Variants in TFAP2C observed in about 807,000 individuals in gnomAD.
TFAP2C encodes activating enhancer-binding protein 2 gamma.
Under a neutral mutation model 42.9 loss-of-function variants are expected in TFAP2C, and 9 were observed. The observed-to-expected ratio is 0.21, with a 90% CI of 0.13 to 0.37. The LOEUF (loss-of-function observed/expected upper bound fraction) is 0.37, where lower values mean the gene tolerates loss of function less well. TFAP2C is among the 10% of genes least tolerant of loss of function. TFAP2C has a pLI of 1.00. For synonymous variants in TFAP2C, 264 were observed against 256.0 expected, an observed-to-expected ratio of 1.03 and a Z score of -0.30; for missense variants, 462 against 591.7, an observed-to-expected ratio of 0.78 and a Z score of 2.27.
In TFAP2C at chr20:56,630,334, G is replaced by T. The variant is rs773482533; in HGVS notation, c.48+742G>T. 2.7e-5 allele frequency: 12 copies of T among 442,346 alleles called. No homozygotes were observed. In the East Asian group the frequency reaches 8.7e-4, roughly 32 times the overall value. The allele number at this position is 442,346 out of a possible 1,614,324, so 27.4% of individuals were successfully genotyped here. On this transcript the variant is annotated intron_variant, in intron 1 of 6. Coordinates refer to ENST00000201031, the MANE Select transcript of TFAP2C (RefSeq NM_003222.4). This position sits in a 1 kb window ranked among gnomAD's most constrained non-coding sequence, Gnocchi z 5.1. ...GGGCTGCCCCTGCCCGCAGGCCCGG[G>T]CGCTTCCGCCAGGAGGCGACAGCGC...
At position 56,629,439 on chromosome 20, in the gene TFAP2C, C is replaced by T. The variant is rs996463375; in HGVS notation, c.-106C>T. 4 of 1,049,556 alleles carry T rather than the reference C, an allele frequency of 3.8e-6. No individual in the cohort carries two copies. Among genetic ancestry groups the T allele is most frequent in the Non-Finnish European group, 5.1e-6 (4 of 784,024 alleles). 65.0% of individuals were successfully genotyped at this position (1,049,556 alleles called of 1,614,324 possible). A position where few individuals can be genotyped will look rare whatever the true frequency, so the allele number is the denominator to read the frequency against. On this transcript the variant is annotated 5_prime_UTR_variant, in exon 1 of 7. Transcript: ENST00000201031. The surrounding 1 kb of genome is among the most constrained non-coding windows in gnomAD (Gnocchi z 5.9). ...CAGCAAGGCCCGCGCGCGGCGGGGGCGGCGGCAGACGCCTGGTCACCGTGA... is the reference window on the plus strand; with the variant it reads ...CAGCAAGGCCCGCGCGCGGCGGGGGTGGCGGCAGACGCCTGGTCACCGTGA...
chr20:56,637,017 C>G (rs1391490306), intron 6 of TFAP2C, among the ~76,000 whole-genome samples: 6 of 152,184 alleles, frequency 3.9e-5, no homozygotes, highest in Admixed American at 3.9e-4. Flanking sequence ...GCTGCCCTTT[C>G]ATTATTGTGT....
rs2048445633 is a variant in TFAP2C, at chr20:56,631,185, G to A, written c.49-20G>A. On this transcript the variant is annotated intron_variant, in intron 1 of 6. Transcript: ENST00000201031. The surrounding 1 kb of genome is among the most constrained non-coding windows in gnomAD (Gnocchi z 6.1). ...GGGTTTCGCACTAACGGGGTCTCCT[G>A]TTTTTTTTTTTCCCTCCAGGATCGC... 1.6e-5 allele frequency: 19 copies of A among 1,191,524 alleles called. No homozygotes were observed. Among genetic ancestry groups the A allele is most frequent in the Non-Finnish European group, 2.0e-5 (18 of 887,306 alleles). The allele number at this position is 1,191,524 out of a possible 1,614,324, so 73.8% of individuals were successfully genotyped here.
At chr20:56,636,538 A>G in intron 5 of TFAP2C, 72 bp from the exon 6 acceptor site, 1 of 1,512,254 alleles carries the variant, frequency 6.6e-7, no homozygotes, top group African/African-American at 1.4e-5. Context: ...AAAAAAAAAA[A>G]AAGAGAGAGG....
chr20:56,629,589 C>T lies in TFAP2C; in HGVS notation c.45C>T (p.Cys15=). Residue 15 remains cysteine (C), a synonymous_variant, in exon 1 of 7, where the codon TGC becomes TGT. Coordinates refer to ENST00000201031, the MANE Select transcript of TFAP2C (RefSeq NM_003222.4). The surrounding 1 kb of genome is among the most constrained non-coding windows in gnomAD (Gnocchi z 5.9). ...ATAATGTCAAGTACGAAGAGGACTGCGAGGTGAGCTGGGGCTCCGGGGTGC... is the reference window on the plus strand; with the variant it reads ...ATAATGTCAAGTACGAAGAGGACTGTGAGGTGAGCTGGGGCTCCGGGGTGC... ...ITDNVKYEED[C]EDRHDGSSNG... 2 of 1,419,666 alleles carry T rather than the reference C, an allele frequency of 1.4e-6. No homozygotes were observed. Among genetic ancestry groups the T allele is most frequent in the Non-Finnish European group, 9.2e-7 (1 of 1,086,294 alleles). The allele number at this position is 1,419,666 out of a possible 1,614,324, so 87.9% of individuals were successfully genotyped here. A position where few individuals can be genotyped will look rare whatever the true frequency, so the allele number is the denominator to read the frequency against.
intron 4 of TFAP2C, 26 bp from the exon 5 acceptor site, chr20:56,634,124 C>A (rs1600898461): frequency 3.9e-6 from 6 of 1,537,452 alleles, no homozygotes; most frequent in Non-Finnish European, 4.5e-6. Flanking sequence ...TTGAGAGTAG[C>A]CAGAGTCAAT....
chr20:56,629,626 G>C lies in TFAP2C; in HGVS notation c.48+34G>C. 1 of 1,395,764 alleles carries C rather than the reference G, an allele frequency of 7.2e-7. No homozygotes were observed. Among genetic ancestry groups the C allele is most frequent in the Non-Finnish European group, 9.3e-7 (1 of 1,073,934 alleles). 86.5% of individuals were successfully genotyped at this position (1,395,764 alleles called of 1,614,324 possible). A position where few individuals can be genotyped will look rare whatever the true frequency, so the allele number is the denominator to read the frequency against. On this transcript the variant is annotated intron_variant, in intron 1 of 6. Coordinates refer to ENST00000201031, the MANE Select transcript of TFAP2C (RefSeq NM_003222.4). This position sits in a 1 kb window ranked among gnomAD's most constrained non-coding sequence, Gnocchi z 5.9. ...GGGCTCCGGGGTGCAGCCCCGCCCC[G>C]CCGAGGACAGTCCGGGAGGCAGGGG...
chr20:56,629,817 G>GCAAA lies in TFAP2C; in HGVS notation c.48+226_48+229dup, dbSNP rs896156108. Among the ~76,000 whole-genome samples, 1 of 152,140 alleles carries GCAAA rather than the reference G, an allele frequency of 6.6e-6. No homozygotes were observed. The highest frequency in any genetic ancestry group is 2.4e-5 in the African/African-American group (1 of 41,438). On this transcript the variant is annotated intron_variant, in intron 1 of 6. Transcript: ENST00000201031. This position sits in a 1 kb window ranked among gnomAD's most constrained non-coding sequence, Gnocchi z 5.9. ...GGGAACGAGGCCTGGAAAGAGAATG[G>GCAAA]CAAATCCCACCCACACAGCTTACCG...
chr20:56,633,384 C>A lies in TFAP2C; in HGVS notation c.618C>A (p.Asn206Lys). ...GPISMTKNPL[N>K]LPCQKELVGA... is the part of the protein sequence containing the mutation. The stretch of plus-strand genomic sequence containing the variant: ...TTTCCATGACCAAGAACCCTCTGAA[C>A]CTCCCCTGTCAGAAGGAGCTGGTGG... The change falls in exon 4 of 7, where the codon AAC becomes AAA. Residue 206 changes from asparagine (N) to lysine (K), a missense_variant. Asn to Lys is a moderately conservative substitution (Grantham distance 94). This residue lies in a region of TFAP2C where 21 missense variants were observed against 38.1 expected (regional missense o/e 0.55). Coordinates refer to ENST00000201031, the MANE Select transcript of TFAP2C (RefSeq NM_003222.4). 6.2e-7 allele frequency: 1 copy of A among 1,614,022 alleles called. No homozygotes were observed. Among genetic ancestry groups the A allele is most frequent in the Non-Finnish European group, 8.5e-7 (1 of 1,180,002 alleles).
chr20:56,636,394 G>A (rs1222799883), intron 5 of TFAP2C, among the ~76,000 whole-genome samples: 1 of 152,128 alleles, frequency 6.6e-6, no homozygotes, highest in African/African-American at 2.4e-5. Flanking sequence ...GGGTATGGTG[G>A]TGCATGTCTG....
chr20:56,639,005 T>G lies in TFAP2C; in HGVS notation c.*992T>G, dbSNP rs1987639359. ...TGGTGATGGGGTAATCTATAACACATCATAAGGTTTTATTCATATATATAC... is the reference window on the plus strand; with the variant it reads ...TGGTGATGGGGTAATCTATAACACAGCATAAGGTTTTATTCATATATATAC... On this transcript the variant is annotated 3_prime_UTR_variant, in exon 7 of 7. Transcript: ENST00000201031. The G allele has an allele frequency of 6.6e-6, 1 of 152,622 alleles. No homozygotes were observed. The highest frequency in any genetic ancestry group is 2.1e-4 in the South Asian group (1 of 4,830). The allele number at this position is 152,622 out of a possible 1,614,324, so 9.5% of individuals were successfully genotyped here. A position where few individuals can be genotyped will look rare whatever the true frequency, so the allele number is the denominator to read the frequency against.
Position 56,631,765 on chromosome 20 carries a change from C to T in TFAP2C, c.535-40C>T, listed in dbSNP as rs1404251297. The stretch of plus-strand genomic sequence containing the variant: ...TGCCCCCACCCCGCACTCCTCTAGG[C>T]TCCCCCGAACTTAAGGGAATTTTGT... On this transcript the variant is annotated intron_variant, in intron 2 of 6. Transcript: ENST00000201031. The surrounding 1 kb of genome is among the most constrained non-coding windows in gnomAD (Gnocchi z 6.1). 6.2e-7 allele frequency: 1 copy of T among 1,613,874 alleles called. No individual in the cohort carries two copies. The highest frequency in any genetic ancestry group is 1.3e-5 in the African/African-American group (1 of 74,940).
rs538057418 is a variant in TFAP2C at position 56,638,196 on chromosome 20, G to A, written c.*183G>A. ...TGGACTTCTTAGTTGTTTCTCTAGC[G>A]CTGAGCTATCTCCTAACTTTGGACC... is the stretch of plus-strand genomic sequence containing the variant. On this transcript the variant is annotated 3_prime_UTR_variant, in exon 7 of 7. Transcript: ENST00000201031. 45 of 593,510 alleles carry A rather than the reference G, an allele frequency of 7.6e-5. No individual in the cohort carries two copies. Among genetic ancestry groups the A allele is most frequent in the South Asian group, 5.4e-4 (23 of 42,634 alleles). The allele number at this position is 593,510 out of a possible 1,614,324, so 36.8% of individuals were successfully genotyped here.
At position 56,631,930 on chromosome 20, in the gene TFAP2C, G is replaced by T; in HGVS notation, c.586+74G>T. 1 of 1,539,948 alleles carries T rather than the reference G, an allele frequency of 6.5e-7. No individual in the cohort carries two copies. The highest frequency in any genetic ancestry group is 1.7e-5 in the Admixed American group (1 of 59,686). Reference sequence around the variant, plus strand: ...TGTGAAGTTGACTGGCAAGGTTGGGGGTATTTGGTGGCCAGCGTGGGACAT... The same window carrying T: ...TGTGAAGTTGACTGGCAAGGTTGGGTGTATTTGGTGGCCAGCGTGGGACAT... On this transcript the variant is annotated intron_variant, in intron 3 of 6. Transcript: ENST00000201031. The surrounding 1 kb of genome is among the most constrained non-coding windows in gnomAD (Gnocchi z 6.1).
At chr20:56,633,318 C>A in intron 3 of TFAP2C, 35 bp from the exon 4 acceptor site, 1 of 1,557,362 alleles carries the variant, frequency 6.4e-7, no homozygotes, top group Non-Finnish European at 8.8e-7. Context: ...TCAGAGAGAG[C>A]TCTTGTGACT....
At position 56,631,544 on chromosome 20, in the gene TFAP2C, G is replaced by C; in HGVS notation, c.388G>C (p.Gly130Arg). The change falls in exon 2 of 7, where the codon GGG becomes CGG. Residue 130 changes from glycine to arginine, a missense_variant. By Grantham distance (125) the Gly-to-Arg change is moderately radical (BLOSUM62 -2). Around this residue, in one of 5 missense-constraint regions of TFAP2C, gnomAD observed 271 missense variants for 269.7 expected, o/e 1.00. Coordinates refer to ENST00000201031, the MANE Select transcript of TFAP2C (RefSeq NM_003222.4). This position sits in a 1 kb window ranked among gnomAD's most constrained non-coding sequence, Gnocchi z 6.1. Reference sequence around the variant, plus strand: ...GGCCGGCCTACTGCCCCACCTCTCCGGGCTGGAGGCGGGCGCGGTGAGCGC... The same window carrying C: ...GGCCGGCCTACTGCCCCACCTCTCCCGGCTGGAGGCGGGCGCGGTGAGCGC... ...RPAGLLPHLS[G>R]LEAGAVSARR... 3 of 1,530,924 alleles carry C rather than the reference G, an allele frequency of 2.0e-6. No homozygotes were observed. Among genetic ancestry groups the C allele is most frequent in the Non-Finnish European group, 2.6e-6 (3 of 1,145,408 alleles). 94.8% of individuals were successfully genotyped at this position (1,530,924 alleles called of 1,614,324 possible).
At chr20:56,636,018 G>A (rs1026060027) in intron 5 of TFAP2C, among the ~76,000 whole-genome samples, 7 of 152,100 alleles carry the variant, frequency 4.6e-5, no homozygotes, top group African/African-American at 1.7e-4. Context: ...TCTGAGTTTG[G>A]ATGAATACAG....
rs969353085 is a variant in TFAP2C at position 56,634,217 on chromosome 20, G to C, written c.871G>C (p.Ala291Pro). 7 of 1,614,094 alleles carry C rather than the reference G, an allele frequency of 4.3e-6. No individual in the cohort carries two copies. In the African/African-American group the frequency reaches 6.7e-5, roughly 15 times the overall value. The change falls in exon 5 of 7, where the codon GCC becomes CCC. Residue 291 changes from alanine (A) to proline (P), a missense_variant. Transcript: ENST00000201031. The part of the protein sequence containing the change: ...KLDKIGLNLP[A>P]GRRKAAHVTL... Reference sequence around the variant, plus strand: ...GGACAAGATTGGGTTGAATCTTCCGGCCGGGAGGCGGAAAGCCGCTCATGT... The same window carrying C: ...GGACAAGATTGGGTTGAATCTTCCGCCCGGGAGGCGGAAAGCCGCTCATGT...
At position 56,629,764 on chromosome 20, in the gene TFAP2C, A is replaced by G. The variant is rs1458070867; in HGVS notation, c.48+172A>G. Among the ~76,000 whole-genome samples, 3 of 151,932 alleles carry G rather than the reference A, an allele frequency of 2.0e-5. No homozygotes were observed. Among genetic ancestry groups the G allele is most frequent in the Non-Finnish European group, 2.9e-5 (2 of 67,958 alleles). On this transcript the variant is annotated intron_variant, in intron 1 of 6. Coordinates refer to ENST00000201031, the MANE Select transcript of TFAP2C (RefSeq NM_003222.4). This position sits in a 1 kb window ranked among gnomAD's most constrained non-coding sequence, Gnocchi z 5.9. ...TTTCTGCGGGGCCCCTTTCCTGTAT[A>G]GGGCCTTTTCCTAAATAGCCTCCCC...
Sources: allele counts gnomAD v4.1 joint callset (sites outside exome capture counted in the v4.1 genomes callset), GRCh38; gene constraint gnomAD v4.1.1; regional missense constraint gnomAD v4.1.1; non-coding constraint Gnocchi (gnomAD v3.1); transcripts MANE v1.5; gene names NCBI Gene and HGNC (gene_info 2026-07-23, HGNC 2026-07-21).